Variants in CCBE1 observed in about 807,000 individuals in gnomAD.
The protein encoded by CCBE1 is collagen and calcium-binding EGF domain-containing protein 1.
CCBE1 carries 37 observed loss-of-function variants against 50.0 expected under a neutral mutation model. The ratio of observed to expected loss-of-function variants is 0.74; its 90% confidence interval spans 0.57 to 0.97. The LOEUF is 0.97. CCBE1 is among the 50% of genes least tolerant of loss of function. CCBE1 has a pLI of 0.00. For missense variants in CCBE1, 538 were observed against 523.8 expected (o/e 1.03, Z -0.26); for synonymous variants, 234 against 203.7 (o/e 1.15, Z -1.27).
At chr18:59,668,925 A>T (rs2054394816) in intron 2 of CCBE1, among the ~76,000 whole-genome samples, 1 of 147,972 alleles carries the variant, frequency 6.8e-6, no homozygotes, top group African/African-American at 2.5e-5. Context: ...CCCAGATTCA[A>T]GCAATTCTCC....
At chr18:59,637,291 T>C (rs2053927640) in intron 2 of CCBE1, among the ~76,000 whole-genome samples, 1 of 152,208 alleles carries the variant, frequency 6.6e-6, no homozygotes, top group Non-Finnish European at 1.5e-5. Flanking sequence ...CACGTTTTAA[T>C]GTTCAATGAT....
intron 2 of CCBE1, among the ~76,000 whole-genome samples, chr18:59,489,010 A>G (rs1912963033): frequency 1.3e-5 from 2 of 152,206 alleles, no homozygotes. Context: ...TGACAGTAAA[A>G]CAGGGACCAG....
chr18:59,510,267 G>T (rs927135125), intron 2 of CCBE1, among the ~76,000 whole-genome samples: 1 of 152,180 alleles, frequency 6.6e-6, no homozygotes, highest in Non-Finnish European at 1.5e-5. Flanking sequence ...TCTGACAGAG[G>T]GAGCAGGGTG....
intron 2 of CCBE1, among the ~76,000 whole-genome samples, chr18:59,623,344 G>GC (rs879308898): frequency 6.6e-6 from 1 of 152,174 alleles, no homozygotes; most frequent in Non-Finnish European, 1.5e-5. Context: ...AGTCAGGTCT[G>GC]CTCTATCCTG....
chr18:59,489,036 T>C (rs911514208), intron 2 of CCBE1, among the ~76,000 whole-genome samples: 1 of 152,232 alleles, frequency 6.6e-6, no homozygotes, highest in East Asian at 1.9e-4. Context: ...CAACCATATG[T>C]GTTACCACGT....
At chr18:59,560,255 A>G (rs72964867) in intron 2 of CCBE1, among the ~76,000 whole-genome samples, 18,040 of 152,300 alleles carry the variant, frequency 0.12, 1,244 homozygotes, top group African/African-American at 0.2. Flanking sequence ...GGGTATGCCC[A>G]TAGGCTTTTG....
At chr18:59,657,343 A>C (rs1189334855) in intron 2 of CCBE1, among the ~76,000 whole-genome samples, 1 of 152,118 alleles carries the variant, frequency 6.6e-6, no homozygotes, top group Non-Finnish European at 1.5e-5. Context: ...GTGACTATAG[A>C]CTGAAAAATT....
chr18:59,580,648 G>A (rs146431384), intron 2 of CCBE1, among the ~76,000 whole-genome samples: 127 of 152,302 alleles, frequency 8.3e-4, no homozygotes, highest in Middle Eastern at 3.4e-3. Context: ...AATGTAAAGC[G>A]ACTTGCCCAA....
At chr18:59,630,793 A>G (rs1599081049) in intron 2 of CCBE1, among the ~76,000 whole-genome samples, 1 of 152,162 alleles carries the variant, frequency 6.6e-6, no homozygotes, top group African/African-American at 2.4e-5. Context: ...TACCTACACA[A>G]TGTATCTTTG....
At position 59,528,903 on chromosome 18, in the gene CCBE1, T is replaced by C. The variant is rs536761939; in HGVS notation, c.213-48665A>G. ...TGGGAATGCTCCTGTATAAAGTATC[T>C]TGTGACCTCTGTTGGGGGAGGGGTT... On this transcript the variant is annotated intron_variant, in intron 2 of 10. Coordinates refer to ENST00000439986, the MANE Select transcript of CCBE1 (RefSeq NM_133459.4). Among the ~76,000 whole-genome samples, 7 of 152,258 alleles carry C rather than the reference T, an allele frequency of 4.6e-5. No individual in the cohort carries two copies. The South Asian group carries it at 1.0e-3, about 23-fold the overall frequency.
In CCBE1 at chr18:59,680,054, C is replaced by CT. The variant is rs1479801480; in HGVS notation, c.212+16574dup. Reference sequence around the variant, plus strand: ...CGGACAACATGGTGAAACCCCGTCTCTACTAAAAATACAAAAATCAGCCGG... The same window carrying CT: ...CGGACAACATGGTGAAACCCCGTCTCTTACTAAAAATACAAAAATCAGCCGG... On this transcript the variant is annotated intron_variant, in intron 2 of 10. Coordinates refer to ENST00000439986, the MANE Select transcript of CCBE1 (RefSeq NM_133459.4). 2.0e-5 allele frequency among the ~76,000 whole-genome samples: 3 copies of CT among 151,790 alleles called. No individual in the cohort carries two copies. In the South Asian group the frequency reaches 6.3e-4, roughly 32 times the overall value.
intron 2 of CCBE1, among the ~76,000 whole-genome samples, chr18:59,547,723 G>C (rs983321332): frequency 6.6e-6 from 1 of 152,198 alleles, no homozygotes; most frequent in Non-Finnish European, 1.5e-5. Flanking sequence ...AAATGGTCGA[G>C]ACAAAGGAAA....
chr18:59,437,139 A>C (rs1910195619), intron 10 of CCBE1, among the ~76,000 whole-genome samples: 1 of 152,152 alleles, frequency 6.6e-6, no homozygotes, highest in South Asian at 2.1e-4. Context: ...CTATGTATTG[A>C]GTATCCTTTA....
At chr18:59,674,300 A>G (rs1432732768) in intron 2 of CCBE1, among the ~76,000 whole-genome samples, 2 of 152,236 alleles carry the variant, frequency 1.3e-5, no homozygotes, top group Non-Finnish European at 2.9e-5. Flanking sequence ...ACACCTATAA[A>G]AAAGGATGAG....
chr18:59,687,814 A>C (rs1417626456), intron 2 of CCBE1, among the ~76,000 whole-genome samples: 2 of 152,160 alleles, frequency 1.3e-5, no homozygotes, highest in Non-Finnish European at 2.9e-5. Flanking sequence ...CAAAAAAATT[A>C]GCTGGGCGTG....
chr18:59,495,294 A>T (rs906006982), intron 2 of CCBE1, among the ~76,000 whole-genome samples: 1 of 152,166 alleles, frequency 6.6e-6, no homozygotes, highest in Non-Finnish European at 1.5e-5. Flanking sequence ...TAACATGGTT[A>T]ATCACCGTTT....
At chr18:59,672,261 G>A (rs1027856924) in intron 2 of CCBE1, among the ~76,000 whole-genome samples, 1 of 152,118 alleles carries the variant, frequency 6.6e-6, no homozygotes, top group African/African-American at 2.4e-5. Flanking sequence ...AGATGACAGT[G>A]GTAGATGGTA....
chr18:59,650,294 G>C (rs1408870608), intron 2 of CCBE1, among the ~76,000 whole-genome samples: 1 of 151,060 alleles, frequency 6.6e-6, no homozygotes, highest in African/African-American at 2.4e-5. Flanking sequence ...AGATGGGAGA[G>C]ACCAAGCCCA....
intron 2 of CCBE1, among the ~76,000 whole-genome samples, chr18:59,590,450 A>G (rs969887470): frequency 2.0e-5 from 3 of 152,230 alleles, no homozygotes; most frequent in Admixed American, 1.3e-4. Flanking sequence ...TCCTTAATTT[A>G]TAAATTTCAA....
Sources: allele counts gnomAD v4.1 joint callset (sites outside exome capture counted in the v4.1 genomes callset), GRCh38; gene constraint gnomAD v4.1.1; transcripts MANE v1.5; gene names NCBI Gene and HGNC (gene_info 2026-07-23, HGNC 2026-07-21).